The following LDB2 variants were observed in gnomAD, a reference collection of about 807,000 sequenced individuals.
LDB2 encodes LIM domain-binding protein 2.
Under a neutral mutation model 44.3 loss-of-function variants are expected in LDB2, and 12 were observed. The observed-to-expected ratio is 0.27, with a 90% confidence interval of 0.17 to 0.44. The LOEUF (loss-of-function observed/expected upper bound fraction) is 0.44. Ranked by LOEUF, LDB2 falls within the 20% of genes least tolerant of loss-of-function variation. The pLI is 1.00. For synonymous variants in LDB2, 164 were observed against 174.8 expected (o/e 0.94, Z 0.49); for missense variants, 344 against 473.5 (o/e 0.73, Z 2.54).
intron 2 of LDB2, among the ~76,000 whole-genome samples, chr4:16,660,199 G>T (rs1165965894): frequency 6.6e-6 from 1 of 152,104 alleles, no homozygotes. Context: ...TATTTCTTCT[G>T]GTTCTCTGAT....
chr4:16,505,033 A>AGAG (rs1207366707), intron 7 of LDB2, among the ~76,000 whole-genome samples: 1 of 152,210 alleles, frequency 6.6e-6, no homozygotes, highest in Non-Finnish European at 1.5e-5. Flanking sequence ...ATAATTTGAA[A>AGAG]GAGGAGGAGG....
chr4:16,518,215 A>G (rs1416454517), intron 5 of LDB2, among the ~76,000 whole-genome samples: 10 of 152,142 alleles, frequency 6.6e-5, no homozygotes, highest in Admixed American at 6.5e-4. Context: ...GTTCTCCTGG[A>G]GAAATTTGAT....
At chr4:16,781,503 C>G (rs543280305) in intron 1 of LDB2, among the ~76,000 whole-genome samples, 1 of 152,248 alleles carries the variant, frequency 6.6e-6, no homozygotes, top group Non-Finnish European at 1.5e-5. Flanking sequence ...AGCCACTAAC[C>G]TACTTTGCTC....
At chr4:16,706,371 G>C (rs1042844845) in intron 2 of LDB2, among the ~76,000 whole-genome samples, 1 of 152,126 alleles carries the variant, frequency 6.6e-6, no homozygotes, top group Non-Finnish European at 1.5e-5. Context: ...CCCCTTCTGC[G>C]ACCTAAGGAC....
In LDB2 at chr4:16,694,420, A is replaced by C. The variant is rs186146857; in HGVS notation, c.235+64738T>G. Among the ~76,000 whole-genome samples, 56 of 152,340 alleles carry C rather than the reference A, an allele frequency of 3.7e-4. 1 individual carries two copies. The highest frequency in any genetic ancestry group is 6.8e-3 in the Middle Eastern group (2 of 294). On this transcript the variant is annotated intron_variant, in intron 2 of 7. Coordinates refer to ENST00000304523, the MANE Select transcript of LDB2 (RefSeq NM_001290.5). ...CGATCACAGCTGGTGCCAGAACATA[A>C]GGCTGAGGGAATAATCGCTGCATTA...
chr4:16,865,816 A>T (rs1358989384), intron 1 of LDB2, among the ~76,000 whole-genome samples: 1 of 152,160 alleles, frequency 6.6e-6, no homozygotes, highest in East Asian at 1.9e-4. Flanking sequence ...TTCCAGCCAC[A>T]CTGGCCTTGC....
At chr4:16,575,617 C>T (rs1420243522) in intron 5 of LDB2, among the ~76,000 whole-genome samples, 1 of 152,090 alleles carries the variant, frequency 6.6e-6, no homozygotes, top group African/African-American at 2.4e-5. Flanking sequence ...TTTCTGACCA[C>T]AGTGGAATAA....
intron 5 of LDB2, among the ~76,000 whole-genome samples, chr4:16,522,746 T>C (rs1157833869): frequency 6.6e-6 from 1 of 152,230 alleles, no homozygotes; most frequent in African/African-American, 2.4e-5. Context: ...CTATGGTATA[T>C]ATAACTTGTC....
chr4:16,588,269 C>G (rs1410009854), intron 4 of LDB2, among the ~76,000 whole-genome samples: 1 of 152,152 alleles, frequency 6.6e-6, no homozygotes, highest in Non-Finnish European at 1.5e-5. Context: ...ACTTCTGACA[C>G]AAATCTGAAG....
intron 1 of LDB2, among the ~76,000 whole-genome samples, chr4:16,804,633 C>G (rs1778447492): frequency 1.3e-5 from 2 of 152,092 alleles, no homozygotes; most frequent in South Asian, 2.1e-4. Flanking sequence ...CCAAATATAG[C>G]AGAGAGAGGT....
chr4:16,803,958 A>C (rs990945438), intron 1 of LDB2, among the ~76,000 whole-genome samples: 7 of 152,222 alleles, frequency 4.6e-5, no homozygotes, highest in Admixed American at 4.6e-4. Flanking sequence ...TTTACCTTTA[A>C]GTATTGTTGA....
chr4:16,845,363 T>C (rs1786773352), intron 1 of LDB2, among the ~76,000 whole-genome samples: 2 of 152,224 alleles, frequency 1.3e-5, no homozygotes, highest in African/African-American at 4.8e-5. Context: ...CCTGTTTCCT[T>C]TGAGCACTGG....
At chr4:16,657,245 A>G (rs907348383) in intron 2 of LDB2, among the ~76,000 whole-genome samples, 1 of 152,244 alleles carries the variant, frequency 6.6e-6, no homozygotes, top group Non-Finnish European at 1.5e-5. Context: ...ATTTAAAATT[A>G]TACATGTGGT....
At chr4:16,759,092 AG>A in intron 2 of LDB2, 65 bp downstream of exon 2, 1 of 999,608 alleles carries the variant, frequency 1.0e-6, no homozygotes, top group East Asian at 2.4e-5. Flanking sequence ...TATTCTCTGA[AG>A]ACCCCTGCGG....
intron 2 of LDB2, among the ~76,000 whole-genome samples, chr4:16,612,377 AAGGAGAC>A (rs1357084731): frequency 6.6e-6 from 1 of 152,144 alleles, no homozygotes; most frequent in African/African-American, 2.4e-5. Flanking sequence ...AGAAGAATTG[AAGGAGAC>A]AGAGACACGA....
chr4:16,788,606 C>T (rs1445423132), intron 1 of LDB2, among the ~76,000 whole-genome samples: 1 of 152,170 alleles, frequency 6.6e-6, no homozygotes, highest in African/African-American at 2.4e-5. Context: ...CAGCTTCTGC[C>T]CTCTGCAGTG....
At chr4:16,546,092 TG>T (rs1195104472) in intron 5 of LDB2, among the ~76,000 whole-genome samples, 4 of 152,254 alleles carry the variant, frequency 2.6e-5, no homozygotes, top group Non-Finnish European at 5.9e-5. Flanking sequence ...AAATGAACTC[TG>T]GTAACTGTAA....
At chr4:16,777,048 G>T (rs548398945) in intron 1 of LDB2, among the ~76,000 whole-genome samples, 1 of 152,274 alleles carries the variant, frequency 6.6e-6, no homozygotes, top group East Asian at 1.9e-4. Context: ...GGACAAAATT[G>T]TCCCAGTTTG....
intron 2 of LDB2, among the ~76,000 whole-genome samples, chr4:16,599,043 T>A (rs558561759): frequency 4.6e-5 from 7 of 152,196 alleles, no homozygotes; most frequent in Non-Finnish European, 8.8e-5. Context: ...AAGAGATATC[T>A]GACTCTGTGC....
Sources: allele counts gnomAD v4.1 joint callset (sites outside exome capture counted in the v4.1 genomes callset), GRCh38; gene constraint gnomAD v4.1.1; transcripts MANE v1.5; gene names NCBI Gene and HGNC (gene_info 2026-07-23, HGNC 2026-07-21).